The following FBXO3 variants were observed in gnomAD, a reference collection of about 807,000 sequenced individuals.
FBXO3 encodes F-box protein 3, also known as F-box only protein 3.
In FBXO3, 17 loss-of-function variants were observed where a neutral mutation model predicts 64.8. The observed-to-expected ratio is 0.26, with a 90% CI of 0.18 to 0.39. FBXO3 has a LOEUF of 0.39. Ranked by LOEUF, FBXO3 falls within the 10% of genes least tolerant of loss-of-function variation. FBXO3 has a pLI of 1.00. For missense variants in FBXO3, 420 were observed against 589.9 expected, an observed-to-expected ratio of 0.71 and a Z score of 2.98; for synonymous variants, 182 against 201.6, an observed-to-expected ratio of 0.90 and a Z score of 0.82.
chr11:33,758,700 G>GTGAATTC lies in FBXO3; in HGVS notation c.359-106_359-100dup, dbSNP rs922316111. On this transcript the variant is annotated intron_variant, in intron 3 of 10. Coordinates refer to ENST00000265651, the MANE Select transcript of FBXO3 (RefSeq NM_012175.4). ...AACTAATGAAACAATCTTGGAATGAGTGAATTCTGTCCAAAATATATGGCT... is the reference window on the plus strand; with the variant it reads ...AACTAATGAAACAATCTTGGAATGAGTGAATTCTGAATTCTGTCCAAAATATATGGCT... 6.9e-6 allele frequency: 5 copies of GTGAATTC among 726,264 alleles called. No individual in the cohort carries two copies. In the Admixed American group the frequency reaches 1.7e-4, roughly 24 times the overall value. 45.0% of individuals were successfully genotyped at this position (726,264 alleles called of 1,614,324 possible).
At chr11:33,765,966 T>C (rs999259152) in intron 3 of FBXO3, among the ~76,000 whole-genome samples, 2 of 152,186 alleles carry the variant, frequency 1.3e-5, no homozygotes, top group Non-Finnish European at 2.9e-5. Context: ...TCTTGTCTTA[T>C]AAATTACCCA....
Position 33,769,004 on chromosome 11 carries a change from T to C in FBXO3, c.205A>G (p.Thr69Ala), listed in dbSNP as rs1365909555. Residue 69 changes from threonine to alanine, a missense_variant, in exon 3 of 11, where the codon ACA becomes GCA. This residue lies in a region of FBXO3 where 337 missense variants were observed against 518.4 expected (regional missense o/e 0.65). Coordinates refer to ENST00000265651, the MANE Select transcript of FBXO3 (RefSeq NM_012175.4). ...KYWLISEEEK[T>A]QKNQCWKSLF... ...GATTTCCAACACTGATTCTTCTGTG[T>C]TTTCTCTTCCCTAAATAGATGAAAA... 6.2e-7 allele frequency: 1 copy of C among 1,610,472 alleles called. No homozygotes were observed. Among genetic ancestry groups the C allele is most frequent in the Middle Eastern group, 1.7e-4 (1 of 6,008 alleles).
intron 7 of FBXO3, 105 bp downstream of exon 7, chr11:33,751,418 G>T (rs1854953571): frequency 2.8e-6 from 2 of 722,468 alleles, no homozygotes; most frequent in African/African-American, 1.8e-5. Context: ...CAATAGAGAG[G>T]TTCTATTATC....
intron 9 of FBXO3, among the ~76,000 whole-genome samples, chr11:33,748,355 C>A (rs892442762): frequency 6.6e-6 from 1 of 152,186 alleles, no homozygotes; most frequent in Non-Finnish European, 1.5e-5. Flanking sequence ...CCTGAAGCAT[C>A]TGAGGGCTCA....
At position 33,768,958 on chromosome 11, in the gene FBXO3, G is replaced by C. The variant is rs757358495; in HGVS notation, c.251C>G (p.Ser84Cys). ...ATGGTCAATGTATCTTCCTACATCAGAGTAAGTATCTATGAAGAGAGATTT... is the reference window on the plus strand; with the variant it reads ...ATGGTCAATGTATCTTCCTACATCACAGTAAGTATCTATGAAGAGAGATTT... ...CWKSLFIDTYSDVGRYIDHYA... is the reference protein window; with the variant it reads ...CWKSLFIDTYCDVGRYIDHYA... Residue 84 changes from serine (S) to cysteine (C), a missense_variant, in exon 3 of 11, where the codon TCT (serine) becomes TGT (cysteine). Coordinates refer to ENST00000265651, the MANE Select transcript of FBXO3 (RefSeq NM_012175.4). 8.7e-6 allele frequency: 14 copies of C among 1,613,668 alleles called. No individual in the cohort carries two copies. In the South Asian group the frequency reaches 1.2e-4, roughly 14 times the overall value.
intron 1 of FBXO3, chr11:33,774,073 G>A (rs1266816412): frequency 3.4e-6 from 1 of 296,360 alleles, no homozygotes; most frequent in Non-Finnish European, 6.4e-6. Context: ...CGGGGCCAGC[G>A]GGGGTCCGCG....
At chr11:33,768,799 A>G in intron 3 of FBXO3, 52 bp downstream of exon 3, 1 of 1,602,250 alleles carries the variant, frequency 6.2e-7, no homozygotes, top group South Asian at 1.1e-5. Flanking sequence ...AAACTAACCT[A>G]TTTATACTAA....
intron 4 of FBXO3, chr11:33,756,913 G>A (rs1385954075): frequency 2.2e-6 from 1 of 458,182 alleles, no homozygotes; most frequent in Non-Finnish European, 4.3e-6. Flanking sequence ...ATTTTTTATA[G>A]AGACAGGCAG....
chr11:33,765,212 T>C (rs534670357), intron 3 of FBXO3, among the ~76,000 whole-genome samples: 3 of 152,252 alleles, frequency 2.0e-5, no homozygotes, highest in East Asian at 1.9e-4. Context: ...CAGTGGGATA[T>C]ATAAGGGTAA....
intron 3 of FBXO3, among the ~76,000 whole-genome samples, chr11:33,765,801 G>A (rs940770365): frequency 1.3e-5 from 2 of 152,038 alleles, no homozygotes; most frequent in Non-Finnish European, 2.9e-5. Context: ...AAAGTGTGCC[G>A]TACCTCCCCC....
At chr11:33,747,044 T>C in intron 10 of FBXO3, 86 bp downstream of exon 10, 1 of 1,559,744 alleles carries the variant, frequency 6.4e-7, no homozygotes, top group Non-Finnish European at 8.6e-7. Flanking sequence ...GGAACACTAT[T>C]TATAAACTAA....
At chr11:33,757,250 T>C (rs1419451442) in intron 4 of FBXO3, among the ~76,000 whole-genome samples, 14 of 152,014 alleles carry the variant, frequency 9.2e-5, no homozygotes, top group Non-Finnish European at 1.5e-5. Context: ...TTCATAAAAG[T>C]ACAAAAGGAG....
chr11:33,744,823 T>A (rs977143022), intron 10 of FBXO3: 1 of 152,236 alleles, frequency 6.6e-6, no homozygotes, highest in African/African-American at 2.4e-5. Flanking sequence ...TTGTTTTACT[T>A]ATTTCTCAGT....
intron 3 of FBXO3, among the ~76,000 whole-genome samples, chr11:33,759,233 C>T (rs555975721): frequency 3.9e-5 from 6 of 152,216 alleles, no homozygotes; most frequent in East Asian, 3.9e-4. Context: ...AGAGTCACAA[C>T]GGTAGGGGAG....
chr11:33,750,595 A>G lies in FBXO3; in HGVS notation c.876T>C (p.Phe292=). The part of the protein sequence containing the change: ...GDITVSVSTS[F]LPELSSVHPP... ...GATGTACAGAGCTAAGTTCTGGCAG[A>G]AACGATGTGGAAACTGACACAGTAA... The change falls in exon 8 of 11, where the codon TTT becomes TTC. Residue 292 remains phenylalanine, a synonymous_variant. Transcript: ENST00000265651. 6.2e-7 allele frequency: 1 copy of G among 1,613,994 alleles called. No homozygotes were observed. The highest frequency in any genetic ancestry group is 1.7e-4 in the Middle Eastern group (1 of 6,060).
intron 8 of FBXO3, among the ~76,000 whole-genome samples, chr11:33,749,472 C>T (rs1186407485): frequency 2.0e-5 from 3 of 151,542 alleles, no homozygotes; most frequent in Admixed American, 6.6e-5. Flanking sequence ...GCCATTCTTC[C>T]GCCTCAGCTC....
At chr11:33,752,340 C>T (rs7104220) in intron 6 of FBXO3, among the ~76,000 whole-genome samples, 17,086 of 151,960 alleles carry the variant, frequency 0.11, 1,407 homozygotes, top group African/African-American at 0.22. Context: ...TCTGTCAGAC[C>T]CCCCATTATT....
At chr11:33,765,795 T>G (rs984751410) in intron 3 of FBXO3, among the ~76,000 whole-genome samples, 8 of 152,152 alleles carry the variant, frequency 5.3e-5, no homozygotes, top group African/African-American at 1.9e-4. Flanking sequence ...TATTTAAAAG[T>G]GTGCCGTACC....
At position 33,743,245 on chromosome 11, in the gene FBXO3, A is replaced by G. The variant is rs1241033946; in HGVS notation, c.1240-1161T>C. 2.0e-5 allele frequency: 3 copies of G among 152,192 alleles called. No homozygotes were observed. The highest frequency in any genetic ancestry group is 2.9e-5 in the Non-Finnish European group (2 of 68,046). The allele number at this position is 152,192 out of a possible 1,614,324, so 9.4% of individuals were successfully genotyped here. ...AAGTATATATCTAAGATCAACCCAC[A>G]CTGGAAGGAAATGACAGCCTCTATT... On this transcript the variant is annotated intron_variant, in intron 10 of 10. Coordinates refer to ENST00000265651, the MANE Select transcript of FBXO3 (RefSeq NM_012175.4). This position sits in a 1 kb window ranked among gnomAD's most constrained non-coding sequence, Gnocchi z 4.6.
Sources: allele counts gnomAD v4.1 joint callset (sites outside exome capture counted in the v4.1 genomes callset), GRCh38; gene constraint gnomAD v4.1.1; regional missense constraint gnomAD v4.1.1; non-coding constraint Gnocchi (gnomAD v3.1); transcripts MANE v1.5; gene names NCBI Gene and HGNC (gene_info 2026-07-23, HGNC 2026-07-21).